Variants in PRELID2 observed in about 807,000 individuals in gnomAD.
PRELID2 encodes PRELI domain containing 2, also known as PRELI domain-containing protein 2.
PRELID2 carries 25 observed loss-of-function variants against 28.4 expected under a neutral mutation model. The ratio of observed to expected loss-of-function variants is 0.88; its 90% confidence interval spans 0.64 to 1.23. PRELID2 has a LOEUF of 1.23. Ranked by LOEUF, PRELID2 falls within the 50% of genes most tolerant of loss-of-function variation. The pLI is 0.00. For missense variants in PRELID2, 201 were observed against 214.4 expected, an observed-to-expected ratio of 0.94 and a Z score of 0.39; for synonymous variants, 76 against 71.6, an observed-to-expected ratio of 1.06 and a Z score of -0.31.
intron 5 of PRELID2, among the ~76,000 whole-genome samples, chr5:145,784,302 T>C (rs1414139422): frequency 1.3e-5 from 2 of 151,628 alleles, no homozygotes; most frequent in East Asian, 1.9e-4. Flanking sequence ...AACAACTAGT[T>C]AATGGCAGAA....
the PRELID2 span, among the ~76,000 whole-genome samples, chr5:145,429,424 G>A: frequency 6.6e-6 from 1 of 152,216 alleles, no homozygotes; most frequent in African/African-American, 2.4e-5. Flanking sequence ...GAAACCATCT[G>A]GGGGAGAGGA....
the PRELID2 span, among the ~76,000 whole-genome samples, chr5:145,435,830 T>G: frequency 6.6e-6 from 1 of 152,188 alleles, no homozygotes; most frequent in African/African-American, 2.4e-5. Flanking sequence ...TTAAAACTTG[T>G]GTCTACCACA....
At chr5:145,571,905 C>T (rs1753017981) in intron 1 of PRELID2, among the ~76,000 whole-genome samples, 1 of 151,706 alleles carries the variant, frequency 6.6e-6, no homozygotes, top group South Asian at 2.1e-4. Flanking sequence ...TGGCGTGAAC[C>T]CAGGAGGCGG....
downstream of PRELID2, among the ~76,000 whole-genome samples, chr5:145,468,927 C>A (rs1264247370): frequency 6.6e-6 from 1 of 152,140 alleles, no homozygotes; most frequent in South Asian, 2.1e-4. Flanking sequence ...TAATTAGATC[C>A]CATTTGTCAA....
the PRELID2 span, among the ~76,000 whole-genome samples, chr5:145,338,536 T>A: frequency 6.6e-6 from 1 of 152,230 alleles, no homozygotes; most frequent in Admixed American, 6.5e-5. Context: ...AGGAAGTTAA[T>A]AACATTTGAC....
intron 1 of PRELID2, chr5:145,729,283 A>G: frequency 9.4e-7 from 1 of 1,062,906 alleles, no homozygotes; most frequent in South Asian, 1.3e-5. Flanking sequence ...AGCATATTCC[A>G]CAACTCAAAC....
intron 3 of PRELID2, among the ~76,000 whole-genome samples, chr5:145,818,964 C>T (rs780662933): frequency 3.3e-5 from 5 of 152,144 alleles, no homozygotes; most frequent in South Asian, 2.1e-4. Flanking sequence ...ATCACGGGGG[C>T]GGGTTTTCCT....
chr5:145,259,206 A>G, the PRELID2 span, among the ~76,000 whole-genome samples: 1 of 152,346 alleles, frequency 6.6e-6, no homozygotes, highest in Admixed American at 6.5e-5. Flanking sequence ...GCCCTCATGG[A>G]GAACCTCTAC....
the PRELID2 span, among the ~76,000 whole-genome samples, chr5:145,350,140 T>C: frequency 2.6e-5 from 4 of 152,172 alleles, no homozygotes; most frequent in Non-Finnish European, 5.9e-5. Flanking sequence ...ATCTGTAAAA[T>C]GGACATAAGT....
At chr5:145,794,107 T>C (rs1015490637) in intron 5 of PRELID2, among the ~76,000 whole-genome samples, 2 of 152,176 alleles carry the variant, frequency 1.3e-5, no homozygotes, top group Non-Finnish European at 2.9e-5. Flanking sequence ...ATATAATATG[T>C]ATGCTTGACA....
intron 1 of PRELID2, among the ~76,000 whole-genome samples, chr5:145,691,937 C>A (rs1016219701): frequency 6.6e-6 from 1 of 152,066 alleles, no homozygotes; most frequent in Non-Finnish European, 1.5e-5. Flanking sequence ...GTGCCTTTGA[C>A]CACCTTCTTC....
chr5:145,670,085 A>G (rs1212870084), intron 1 of PRELID2, among the ~76,000 whole-genome samples: 1 of 152,134 alleles, frequency 6.6e-6, no homozygotes, highest in African/African-American at 2.4e-5. Flanking sequence ...CTATAAAGAA[A>G]TATCTGAGGG....
chr5:145,240,440 G>T, the PRELID2 span, among the ~76,000 whole-genome samples: 2 of 151,480 alleles, frequency 1.3e-5, no homozygotes, highest in Admixed American at 6.6e-5. Flanking sequence ...ACAATATTTT[G>T]TAATTTACAT....
chr5:145,700,028 G>A (rs1755371039), intron 1 of PRELID2, among the ~76,000 whole-genome samples: 1 of 151,920 alleles, frequency 6.6e-6, no homozygotes, highest in Admixed American at 6.5e-5. Context: ...CCACAGACAT[G>A]GATAAGCACA....
chr5:145,558,699 C>G (rs1247315589), intron 1 of PRELID2, among the ~76,000 whole-genome samples: 1 of 152,192 alleles, frequency 6.6e-6, no homozygotes, highest in Non-Finnish European at 1.5e-5. Context: ...TCATGCTTAT[C>G]TTTAAAAAAC....
chr5:145,304,907 G>A, the PRELID2 span, among the ~76,000 whole-genome samples: 1 of 152,148 alleles, frequency 6.6e-6, no homozygotes, highest in African/African-American at 2.4e-5. Context: ...GTACCTGATA[G>A]AATAGGAACA....
chr5:145,254,737 C>T, the PRELID2 span, among the ~76,000 whole-genome samples: 3 of 152,028 alleles, frequency 2.0e-5, no homozygotes, highest in Non-Finnish European at 4.4e-5. Flanking sequence ...TTCAAAAACC[C>T]GGCAGGCATT....
the PRELID2 span, among the ~76,000 whole-genome samples, chr5:145,431,813 T>C: frequency 6.6e-6 from 1 of 152,190 alleles, no homozygotes; most frequent in Non-Finnish European, 1.5e-5. Flanking sequence ...CTGGATCTTT[T>C]TGCAAAAGGA....
the PRELID2 span, among the ~76,000 whole-genome samples, chr5:145,378,104 G>T: frequency 6.6e-6 from 1 of 152,100 alleles, no homozygotes; most frequent in Non-Finnish European, 1.5e-5. Flanking sequence ...AAGAAAGTTG[G>T]CTATAGGCTC....
Sources: allele counts gnomAD v4.1 joint callset (sites outside exome capture counted in the v4.1 genomes callset), GRCh38; gene constraint gnomAD v4.1.1; transcripts MANE v1.5; gene names NCBI Gene and HGNC (gene_info 2026-07-23, HGNC 2026-07-21).